The following UGT2B17 variants were observed in gnomAD, a reference collection of about 807,000 sequenced individuals.
UGT2B17 encodes the protein UDP-glucuronosyltransferase 2B17.
A neutral mutation model predicts 48.2 loss-of-function variants in UGT2B17; 21 were observed. That is an observed-to-expected ratio of 0.44 (90% CI 0.31 to 0.63). The LOEUF is 0.63. UGT2B17 is among the 20% of genes least tolerant of loss of function. The pLI, the probability that UGT2B17 is intolerant of heterozygous loss-of-function variation, is 0.08. For missense variants in UGT2B17, 402 were observed against 696.1 expected (o/e 0.58, Z 4.75); for synonymous variants, 146 against 238.4 (o/e 0.61, Z 3.57).
chr4:68,566,269 A>G (rs1362536646), intron 2 of UGT2B17, among the ~76,000 whole-genome samples: 2 of 123,024 alleles, frequency 1.6e-5, no homozygotes, highest in African/African-American at 5.5e-5. Flanking sequence ...TGTATATATA[A>G]GGAAGGCAAA....
chr4:68,575,483 A>AT (rs1165029233), intron 1 of UGT2B17, among the ~76,000 whole-genome samples: 1 of 125,268 alleles, frequency 8.0e-6, no homozygotes, highest in Non-Finnish European at 1.7e-5. Context: ...CATAGTCTCT[A>AT]TTAAATCCTT....
chr4:68,565,861 A>G lies in UGT2B17; in HGVS notation c.725-141T>C, dbSNP rs115586431. 7,059 of 492,240 alleles carry G rather than the reference A, an allele frequency of 0.014. 1,457 individuals carry two copies. In the African/African-American group the frequency reaches 0.14, roughly 10 times the overall value. The allele number at this position is 492,240 out of a possible 1,614,324, so 30.5% of individuals were successfully genotyped here. On this transcript the variant is annotated intron_variant, in intron 2 of 6. Coordinates refer to ENST00000317746, the MANE Select transcript of UGT2B17 (RefSeq NM_001077.4). ...TAAAATGTCTGCACATTGATAATAT[A>G]TATAAATACATTTATATAATATAAT...
chr4:68,538,382 G>A lies in UGT2B17; in HGVS notation c.1314-478C>T, dbSNP rs1267806991. ...CATGAGAAGCTGGGGCTACAGCTGC[G>A]CACCACCATGCCTGGCTATATTTTT... On this transcript the variant is annotated intron_variant, in intron 6 of 6. Coordinates refer to ENST00000317746, the MANE Select transcript of UGT2B17 (RefSeq NM_001077.4). Among the ~76,000 whole-genome samples the A allele has an allele frequency of 1.7e-4, 21 of 123,784 alleles. 3 individuals carry two copies. Among genetic ancestry groups the A allele is most frequent in the African/African-American group, 5.3e-4 (19 of 36,102 alleles). 81.2% of individuals were successfully genotyped at this position (123,784 alleles called of 152,430 possible).
chr4:68,540,550 C>A lies in UGT2B17; in HGVS notation c.1314-2646G>T, dbSNP rs1230739636. The stretch of plus-strand genomic sequence containing the variant: ...TGTTGGCCAGGAGTATGGTCTCGAT[C>A]TCTTGACCTCGTGATCTGCCCTCCT... On this transcript the variant is annotated intron_variant, in intron 6 of 6. Coordinates refer to ENST00000317746, the MANE Select transcript of UGT2B17 (RefSeq NM_001077.4). 1.0e-4 allele frequency among the ~76,000 whole-genome samples: 13 copies of A among 126,954 alleles called. 4 individuals carry two copies. The highest frequency in any genetic ancestry group is 7.5e-4 in the East Asian group (1 of 1,338). 83.3% of individuals were successfully genotyped at this position (126,954 alleles called of 152,430 possible).
At chr4:68,569,150 A>T (rs1731259917) in intron 1 of UGT2B17, among the ~76,000 whole-genome samples, 1 of 124,972 alleles carries the variant, frequency 8.0e-6, no homozygotes, top group Non-Finnish European at 1.7e-5. Flanking sequence ...ACAGAGCAGC[A>T]TGCAGAGGCT....
intron 1 of UGT2B17, among the ~76,000 whole-genome samples, chr4:68,575,388 C>T (rs1731357045): frequency 8.1e-6 from 1 of 124,178 alleles, no homozygotes; most frequent in African/African-American, 2.8e-5. Flanking sequence ...CCTATCTAGG[C>T]TTCCTTCTGA....
At chr4:68,548,760 T>C (rs1560576453) in intron 6 of UGT2B17, among the ~76,000 whole-genome samples, 1 of 124,774 alleles carries the variant, frequency 8.0e-6, no homozygotes, top group Non-Finnish European at 1.7e-5. Flanking sequence ...ATTCTCTTTG[T>C]TGCAATTGCA....
chr4:68,558,886 T>C lies in UGT2B17; in HGVS notation c.1005+1651A>G, dbSNP rs1731052961. Among the ~76,000 whole-genome samples the C allele has an allele frequency of 1.6e-5, 2 of 125,914 alleles. 1 individual carries two copies. The highest frequency in any genetic ancestry group is 5.4e-5 in the African/African-American group (2 of 36,924). The allele number at this position is 125,914 out of a possible 152,430, so 82.6% of individuals were successfully genotyped here. A position where few individuals can be genotyped will look rare whatever the true frequency, so the allele number is the denominator to read the frequency against. On this transcript the variant is annotated intron_variant, in intron 4 of 6. Transcript: ENST00000317746. ...ATCTGATTGCCTCCTTTGGAGAGCCTAATCAGAAGCTCAAAGGAATGCCTC... is the reference window on the plus strand; with the variant it reads ...ATCTGATTGCCTCCTTTGGAGAGCCCAATCAGAAGCTCAAAGGAATGCCTC...
Position 68,541,345 on chromosome 4 carries a change from T to G in UGT2B17, c.1314-3441A>C, listed in dbSNP as rs1334074733. 1.6e-5 allele frequency among the ~76,000 whole-genome samples: 2 copies of G among 126,788 alleles called. 1 individual carries two copies. The highest frequency in any genetic ancestry group is 3.3e-5 in the Non-Finnish European group (2 of 59,760). 83.2% of individuals were successfully genotyped at this position (126,788 alleles called of 152,430 possible). A position where few individuals can be genotyped will look rare whatever the true frequency, so the allele number is the denominator to read the frequency against. Reference sequence around the variant, plus strand: ...ACTTTTTAATCATCTCCATTCTGACTGGCATGAGATTGTATCTCATTGTGG... The same window carrying G: ...ACTTTTTAATCATCTCCATTCTGACGGGCATGAGATTGTATCTCATTGTGG... On this transcript the variant is annotated intron_variant, in intron 6 of 6. Transcript: ENST00000317746.
intron 4 of UGT2B17, among the ~76,000 whole-genome samples, chr4:68,559,496 T>G (rs1249854743): frequency 7.9e-6 from 1 of 125,990 alleles, no homozygotes; most frequent in African/African-American, 2.7e-5. Flanking sequence ...CCATGTCTAG[T>G]ACCAAACTAA....
Position 68,542,468 on chromosome 4 carries a change from A to C in UGT2B17, c.1314-4564T>G, listed in dbSNP as rs1222194357. ...TATAAATTACTGTGGGAAGAAGCCA[A>C]GATGGCCGAATAAGAACAGCTCCAG... On this transcript the variant is annotated intron_variant, in intron 6 of 6. Coordinates refer to ENST00000317746, the MANE Select transcript of UGT2B17 (RefSeq NM_001077.4). 1.8e-4 allele frequency among the ~76,000 whole-genome samples: 23 copies of C among 126,768 alleles called. 8 individuals are homozygous for C. Among genetic ancestry groups the C allele is most frequent in the African/African-American group, 6.2e-4 (23 of 37,208 alleles). 83.2% of individuals were successfully genotyped at this position (126,768 alleles called of 152,430 possible). A position where few individuals can be genotyped will look rare whatever the true frequency, so the allele number is the denominator to read the frequency against.
At position 68,557,077 on chromosome 4, in the gene UGT2B17, A is replaced by G. The variant is rs1424418306; in HGVS notation, c.1005+3460T>C. On this transcript the variant is annotated intron_variant, in intron 4 of 6. Transcript: ENST00000317746. Reference sequence around the variant, plus strand: ...GTCTTTTTGAGCTGTATTTATATAAATATGTTATTGGCATGTGTTCCAAAA... The same window carrying G: ...GTCTTTTTGAGCTGTATTTATATAAGTATGTTATTGGCATGTGTTCCAAAA... 4.0e-5 allele frequency among the ~76,000 whole-genome samples: 5 copies of G among 125,206 alleles called. 2 individuals carry two copies. Among genetic ancestry groups the G allele is most frequent in the Non-Finnish European group, 6.8e-5 (4 of 59,118 alleles). The allele number at this position is 125,206 out of a possible 152,430, so 82.1% of individuals were successfully genotyped here. A position where few individuals can be genotyped will look rare whatever the true frequency, so the allele number is the denominator to read the frequency against.
At chr4:68,564,110 G>A (rs1344797703) in intron 3 of UGT2B17, among the ~76,000 whole-genome samples, 1 of 122,886 alleles carries the variant, frequency 8.1e-6, no homozygotes, top group Admixed American at 8.4e-5. Context: ...CTAAACTCAT[G>A]TAAAAGTTCC....
At position 68,539,178 on chromosome 4, in the gene UGT2B17, C is replaced by G. The variant is rs1263105703; in HGVS notation, c.1314-1274G>C. Among the ~76,000 whole-genome samples the G allele has an allele frequency of 1.6e-5, 2 of 125,858 alleles. 1 individual carries two copies. Among genetic ancestry groups the G allele is most frequent in the Admixed American group, 1.6e-4 (2 of 12,166 alleles). 82.6% of individuals were successfully genotyped at this position (125,858 alleles called of 152,430 possible). A position where few individuals can be genotyped will look rare whatever the true frequency, so the allele number is the denominator to read the frequency against. On this transcript the variant is annotated intron_variant, in intron 6 of 6. Transcript: ENST00000317746. ...TTTTAAGATTATCTTAAACATTATC[C>G]AAAAGTGAAAACACCAATTTATCAC...
At chr4:68,553,056 T>G (rs1361874177) in intron 4 of UGT2B17, among the ~76,000 whole-genome samples, 1 of 125,202 alleles carries the variant, frequency 8.0e-6, no homozygotes, top group Non-Finnish European at 1.7e-5. Context: ...TTTGTCTTGG[T>G]TAATGTTTAA....
At chr4:68,538,188 A>G (rs1169305948) in intron 6 of UGT2B17, among the ~76,000 whole-genome samples, 4 of 124,948 alleles carry the variant, frequency 3.2e-5, no homozygotes, top group African/African-American at 1.1e-4. Context: ...TCTAAGTGCT[A>G]TAAGTAAGAT....
In UGT2B17 at chr4:68,568,029, A is replaced by G. The variant is rs770678538; in HGVS notation, c.456T>C (p.Asp152=). The G allele has an allele frequency of 4.3e-6, 6 of 1,382,736 alleles. No homozygotes were observed. In the African/African-American group the frequency reaches 8.8e-5, roughly 20 times the overall value. The allele number at this position is 1,382,736 out of a possible 1,614,324, so 85.7% of individuals were successfully genotyped here. A position where few individuals can be genotyped will look rare whatever the true frequency, so the allele number is the denominator to read the frequency against. Residue 152 remains aspartate (D), a synonymous_variant, in exon 2 of 7, where the codon GAT becomes GAC. Coordinates refer to ENST00000317746, the MANE Select transcript of UGT2B17 (RefSeq NM_001077.4). Reference sequence around the variant, plus strand: ...GCAGCTCACCACAGGGATTAACGGCATCTGCCAGAAGGACATCAAATTTTG... The same window carrying G: ...GCAGCTCACCACAGGGATTAACGGCGTCTGCCAGAAGGACATCAAATTTTG... The part of the protein sequence containing the change: ...QESKFDVLLA[D]AVNPCGELLA...
In UGT2B17 at chr4:68,556,756, TGTTTTATTAGG is replaced by T. The variant is rs1183800760; in HGVS notation, c.1005+3770_1005+3780del. 1.6e-5 allele frequency among the ~76,000 whole-genome samples: 2 copies of T among 126,048 alleles called. 1 individual carries two copies. Among genetic ancestry groups the T allele is most frequent in the Non-Finnish European group, 3.4e-5 (2 of 59,262 alleles). The allele number at this position is 126,048 out of a possible 152,430, so 82.7% of individuals were successfully genotyped here. Reference sequence around the variant, plus strand: ...AAAACAAACTTATTTGGCTTCATGCTGTTTTATTAGGGCTTATTGTTTGGCAAATTGAGTCT... The same window carrying T: ...AAAACAAACTTATTTGGCTTCATGCTGCTTATTGTTTGGCAAATTGAGTCT... On this transcript the variant is annotated intron_variant, in intron 4 of 6. Coordinates refer to ENST00000317746, the MANE Select transcript of UGT2B17 (RefSeq NM_001077.4).
chr4:68,550,961 A>G lies in UGT2B17; in HGVS notation c.1094-65T>C, dbSNP rs569197274. Reference sequence around the variant, plus strand: ...GGCACAGGAATTGAATAAGAAATGCACAATATAAGGAACTTAAAGCAAAAC... The same window carrying G: ...GGCACAGGAATTGAATAAGAAATGCGCAATATAAGGAACTTAAAGCAAAAC... On this transcript the variant is annotated intron_variant, in intron 5 of 6. Transcript: ENST00000317746. 4 of 1,217,632 alleles carry G rather than the reference A, an allele frequency of 3.3e-6. 1 individual carries two copies. The African/African-American group carries it at 4.6e-5, about 14-fold the overall frequency. The allele number at this position is 1,217,632 out of a possible 1,614,324, so 75.4% of individuals were successfully genotyped here.
Sources: gnomAD v4.1 joint callset for allele counts (sites outside exome capture counted in the v4.1 genomes callset) on GRCh38, gnomAD v4.1.1 for gene constraint, MANE v1.5 for transcripts, NCBI Gene and HGNC (gene_info 2026-07-23, HGNC 2026-07-21) for gene names.